Variants in AIG1 observed in about 807,000 individuals in gnomAD.
AIG1 encodes androgen induced 1, also known as androgen-induced gene 1 protein.
Under a neutral mutation model 31.4 loss-of-function variants are expected in AIG1, and 23 were observed. The observed-to-expected ratio is 0.73, with a 90% CI of 0.53 to 1.04. The LOEUF is 1.04. AIG1 is among the 50% of genes least tolerant of loss of function. The probability of loss-of-function intolerance (pLI) is 0.00; values close to 1 mark genes in which losing one functional copy is unlikely to be tolerated. For synonymous variants in AIG1, 100 were observed against 110.5 expected, an observed-to-expected ratio of 0.90 and a Z score of 0.60; for missense variants, 274 against 295.0, an observed-to-expected ratio of 0.93 and a Z score of 0.52.
In AIG1 at chr6:143,333,254, C is replaced by T. The variant is rs1777222415; in HGVS notation, c.516-28C>T. 6.3e-7 allele frequency: 1 copy of T among 1,588,902 alleles called. No individual in the cohort carries two copies. Among genetic ancestry groups the T allele is most frequent in the African/African-American group, 1.4e-5 (1 of 73,960 alleles). On this transcript the variant is annotated intron_variant, in intron 4 of 5. Transcript: ENST00000357847. The surrounding 1 kb of genome is among the most constrained non-coding windows in gnomAD (Gnocchi z 4.6). Reference sequence around the variant, plus strand: ...TGCCTGCCATAAGAGTGACTCCTGTCCTTGTCTCCTTTCCGATTCTTTTGC... The same window carrying T: ...TGCCTGCCATAAGAGTGACTCCTGTTCTTGTCTCCTTTCCGATTCTTTTGC...
Position 143,333,538 on chromosome 6 carries a change from T to C in AIG1, c.679+93T>C, listed in dbSNP as rs1777251890. 2 of 1,331,298 alleles carry C rather than the reference T, an allele frequency of 1.5e-6. No homozygotes were observed. The highest frequency in any genetic ancestry group is 2.5e-5 in the East Asian group (1 of 40,788). The allele number at this position is 1,331,298 out of a possible 1,614,324, so 82.5% of individuals were successfully genotyped here. ...GGGAAAATTCCACTGTAGCCTCTTC[T>C]TTTAGCCTTCACACAGGATCTCCTA... On this transcript the variant is annotated intron_variant, in intron 5 of 5. Coordinates refer to ENST00000357847, the MANE Select transcript of AIG1 (RefSeq NM_016108.4). This position sits in a 1 kb window ranked among gnomAD's most constrained non-coding sequence, Gnocchi z 4.6.
At chr6:143,252,133 T>C (rs1337401854) in intron 3 of AIG1, among the ~76,000 whole-genome samples, 1 of 152,216 alleles carries the variant, frequency 6.6e-6, no homozygotes, top group Non-Finnish European at 1.5e-5. Flanking sequence ...TTTGTTTTTA[T>C]TTTGAGGCAG....
chr6:143,103,115 A>T (rs1254030391), intron 1 of AIG1, among the ~76,000 whole-genome samples: 2 of 152,320 alleles, frequency 1.3e-5, no homozygotes, highest in East Asian at 3.9e-4. Context: ...TATTTGATAA[A>T]CACTTTCTGG....
At chr6:143,296,076 C>T (rs754166701) in intron 4 of AIG1, among the ~76,000 whole-genome samples, 16 of 152,022 alleles carry the variant, frequency 1.1e-4, no homozygotes, top group African/African-American at 1.9e-4. Flanking sequence ...CACCCACACA[C>T]GCACACACAT....
intron 3 of AIG1, among the ~76,000 whole-genome samples, chr6:143,233,847 G>T (rs929674392): frequency 6.6e-6 from 1 of 152,178 alleles, no homozygotes; most frequent in Non-Finnish European, 1.5e-5. Context: ...GTAGCTTTAG[G>T]CTAAACTTAA....
intron 3 of AIG1, among the ~76,000 whole-genome samples, chr6:143,242,284 G>A (rs1048001407): frequency 2.0e-5 from 3 of 152,120 alleles, no homozygotes; most frequent in African/African-American, 7.2e-5. Context: ...TGTAATATGA[G>A]GAAAATAGAA....
intron 3 of AIG1, among the ~76,000 whole-genome samples, chr6:143,196,885 G>C (rs1790285320): frequency 6.6e-6 from 1 of 152,128 alleles, no homozygotes; most frequent in Non-Finnish European, 1.5e-5. Context: ...TATTGAATTT[G>C]CAGCAGTCGT....
chr6:143,320,901 G>A lies in AIG1; in HGVS notation c.516-12381G>A, dbSNP rs543331141. 4.0e-5 allele frequency among the ~76,000 whole-genome samples: 6 copies of A among 149,366 alleles called. 1 individual carries two copies. The highest frequency in any genetic ancestry group is 4.3e-4 in the South Asian group (2 of 4,654). On this transcript the variant is annotated intron_variant, in intron 4 of 5. Coordinates refer to ENST00000357847, the MANE Select transcript of AIG1 (RefSeq NM_016108.4). Reference sequence around the variant, plus strand: ...CAATGGCGCAATCTTGGCTCACCGCGACTTCTGTCTCCCGAGTTCAAGCGA... The same window carrying A: ...CAATGGCGCAATCTTGGCTCACCGCAACTTCTGTCTCCCGAGTTCAAGCGA...
At chr6:143,073,328 A>C (rs916399812) in intron 1 of AIG1, among the ~76,000 whole-genome samples, 3 of 152,174 alleles carry the variant, frequency 2.0e-5, no homozygotes, top group African/African-American at 4.8e-5. Context: ...GCTGCAATGA[A>C]CATGGGAGTG....
rs368041385 is a variant in AIG1, at chr6:143,197,780, G to A, written c.399+32597G>A. Among the ~76,000 whole-genome samples, 52 of 152,316 alleles carry A rather than the reference G, an allele frequency of 3.4e-4. 1 individual carries two copies. The East Asian group carries it at 6.6e-3, about 19-fold the overall frequency. ...CAGGAACATCTGTTGTTAGAGAAAG[G>A]AGACAAACCCTCTGAGATGTGAGGG... On this transcript the variant is annotated intron_variant, in intron 3 of 5. Coordinates refer to ENST00000357847, the MANE Select transcript of AIG1 (RefSeq NM_016108.4).
chr6:143,286,648 C>T (rs1434912054), intron 4 of AIG1, among the ~76,000 whole-genome samples: 2 of 152,084 alleles, frequency 1.3e-5, no homozygotes, highest in East Asian at 3.8e-4. Context: ...GATAGCATAC[C>T]AGGGTTGTAA....
intron 3 of AIG1, among the ~76,000 whole-genome samples, chr6:143,200,750 T>C (rs994757574): frequency 6.6e-6 from 1 of 152,182 alleles, no homozygotes; most frequent in Non-Finnish European, 1.5e-5. Context: ...TCCGTTTCTT[T>C]GTAGGCTCCT....
At chr6:143,224,084 C>T (rs935831027) in intron 3 of AIG1, among the ~76,000 whole-genome samples, 2 of 152,118 alleles carry the variant, frequency 1.3e-5, no homozygotes, top group African/African-American at 4.8e-5. Context: ...CCTGCAGTCT[C>T]GTGCTTGGTG....
At chr6:143,342,216 C>A, downstream of AIG1, 1 of 667,414 alleles carries the variant, frequency 1.5e-6, no homozygotes, top group East Asian at 2.8e-5. Flanking sequence ...AGCCATTGCG[C>A]CCGTCCTAAA....
intron 3 of AIG1, among the ~76,000 whole-genome samples, chr6:143,244,656 A>G (rs1398432492): frequency 6.6e-6 from 1 of 152,222 alleles, no homozygotes; most frequent in Non-Finnish European, 1.5e-5. Flanking sequence ...CATAAACAAA[A>G]CACTGTGAGC....
At chr6:143,071,087 A>G (rs1338350663) in intron 1 of AIG1, among the ~76,000 whole-genome samples, 1 of 152,318 alleles carries the variant, frequency 6.6e-6, no homozygotes, top group Non-Finnish European at 1.5e-5. Flanking sequence ...GGCCACAACT[A>G]CCTTCTCCCT....
At chr6:143,315,067 A>G (rs931182978) in intron 4 of AIG1, among the ~76,000 whole-genome samples, 7 of 152,178 alleles carry the variant, frequency 4.6e-5, no homozygotes, top group Non-Finnish European at 7.4e-5. Context: ...GAGAATTACT[A>G]TATTTTCTAA....
At chr6:143,296,803 C>G (rs1327463275) in intron 4 of AIG1, among the ~76,000 whole-genome samples, 2 of 152,134 alleles carry the variant, frequency 1.3e-5, no homozygotes, top group African/African-American at 2.4e-5. Context: ...TAAGTAGACC[C>G]ATTTCCCTAA....
intron 2 of AIG1, among the ~76,000 whole-genome samples, chr6:143,157,154 A>T (rs564720518): frequency 6.6e-6 from 1 of 152,396 alleles, no homozygotes; most frequent in East Asian, 1.9e-4. Context: ...AAATGAAATT[A>T]AAAAACCTTT....
Sources: gnomAD v4.1 joint callset for allele counts (sites outside exome capture counted in the v4.1 genomes callset) on GRCh38, gnomAD v4.1.1 for gene constraint, Gnocchi (gnomAD v3.1) non-coding constraint, MANE v1.5 for transcripts, NCBI Gene and HGNC (gene_info 2026-07-23, HGNC 2026-07-21) for gene names.